SREK1: variants seen among roughly 807,000 people sequenced by gnomAD.
SREK1 encodes splicing regulatory glutamine/lysine-rich protein 1.
In SREK1, 13 loss-of-function variants were observed where a neutral mutation model predicts 66.5. That is an observed-to-expected ratio of 0.20 (90% CI 0.13 to 0.31). The LOEUF is 0.31. Ranked by LOEUF, SREK1 falls within the 10% of genes least tolerant of loss-of-function variation. SREK1 has a pLI of 1.00. For missense variants in SREK1, 607 were observed against 769.6 expected (o/e 0.79, Z 2.50); for synonymous variants, 265 against 263.5 (o/e 1.01, Z -0.05).
chr5:66,151,834 CTTTTTTTTTTTTTT>C lies in SREK1; in HGVS notation c.162-1613_162-1600del, dbSNP rs60920757. Among the ~76,000 whole-genome samples the C allele has an allele frequency of 9.1e-3, 769 of 84,788 alleles. 6 individuals are homozygous for C. The highest frequency in any genetic ancestry group is 0.012 in the Non-Finnish European group (476 of 41,068). The allele number at this position is 84,788 out of a possible 152,430, so 55.6% of individuals were successfully genotyped here. A position where few individuals can be genotyped will look rare whatever the true frequency, so the allele number is the denominator to read the frequency against. On this transcript the variant is annotated intron_variant, in intron 1 of 11. Transcript: ENST00000334121. Reference sequence around the variant, plus strand: ...TGAGTTGGATGCTAAGAGGTACATCCTTTTTTTTTTTTTTTTTTTTTTTTTTTTTGAGAAGGAGT... The same window carrying C: ...TGAGTTGGATGCTAAGAGGTACATCCTTTTTTTTTTTTTTTGAGAAGGAGT...
At chr5:66,169,587 TTTAAC>T (rs1720854006) in intron 7 of SREK1, 1 of 152,246 alleles carries the variant, frequency 6.6e-6, no homozygotes, top group African/African-American at 2.4e-5. Context: ...TATATCTAGT[TTTAAC>T]TTATGAGTAA....
chr5:66,156,366 C>A (rs766450533), intron 2 of SREK1: 1 of 1,219,434 alleles, frequency 8.2e-7, no homozygotes, highest in Admixed American at 4.0e-5. Flanking sequence ...GGGTTCATAA[C>A]GTGTTGCAAA....
chr5:66,173,159 T>C (rs900422565), intron 9 of SREK1, among the ~76,000 whole-genome samples: 2 of 152,172 alleles, frequency 1.3e-5, no homozygotes, highest in African/African-American at 2.4e-5. Flanking sequence ...TCTTGTCTTT[T>C]AGCATTTTTC....
Position 66,170,632 on chromosome 5 carries a change from TGAAAGA to T in SREK1, c.1176_1181del (p.Glu392_Lys393del). 1.2e-6 allele frequency: 2 copies of T among 1,603,996 alleles called. No individual in the cohort carries two copies. The highest frequency in any genetic ancestry group is 1.7e-6 in the Non-Finnish European group (2 of 1,176,236). ...GAAAAGATCAAGGAAAAGGAAAGAGTGAAAGAGAAAGACAGGGAAAAGGAGAGAGAG... is the reference window on the plus strand; with the variant it reads ...GAAAAGATCAAGGAAAAGGAAAGAGTGAAAGACAGGGAAAAGGAGAGAGAG... On this transcript the variant is annotated inframe_deletion, in exon 9 of 12. Coordinates refer to ENST00000334121, the MANE Select transcript of SREK1 (RefSeq NM_001077199.3).
intron 1 of SREK1, among the ~76,000 whole-genome samples, chr5:66,145,431 T>C (rs1014832628): frequency 2.6e-5 from 4 of 152,166 alleles, no homozygotes; most frequent in African/African-American, 7.2e-5. Context: ...TATATCAAAA[T>C]CCTTTGAGGG....
intron 6 of SREK1, 59 bp from the exon 7 acceptor site, chr5:66,164,724 A>G: frequency 6.2e-7 from 1 of 1,612,824 alleles, no homozygotes; most frequent in Non-Finnish European, 8.5e-7. Context: ...GTGCCTGATT[A>G]TTAACTGGGA....
chr5:66,181,072 T>A lies in SREK1; in HGVS notation c.*2204T>A, dbSNP rs1746447108. 6.6e-6 allele frequency: 1 copy of A among 152,200 alleles called. No homozygotes were observed. The highest frequency in any genetic ancestry group is 1.5e-5 in the Non-Finnish European group (1 of 68,032). 9.4% of individuals were successfully genotyped at this position (152,200 alleles called of 1,614,324 possible). A position where few individuals can be genotyped will look rare whatever the true frequency, so the allele number is the denominator to read the frequency against. On this transcript the variant is annotated 3_prime_UTR_variant, in exon 12 of 12. Coordinates refer to ENST00000334121, the MANE Select transcript of SREK1 (RefSeq NM_001077199.3). ...GTTTCTTTATGTTGGTAATTAACATTTAATTTGGTTCTTGCTGCTAATTAT... is the reference window on the plus strand; with the variant it reads ...GTTTCTTTATGTTGGTAATTAACATATAATTTGGTTCTTGCTGCTAATTAT...
chr5:66,163,756 G>A (rs761319606), intron 5 of SREK1, 36 bp from the exon 6 acceptor site: 3 of 1,582,136 alleles, frequency 1.9e-6, no homozygotes, highest in South Asian at 1.1e-5. Flanking sequence ...ATAAAATGTG[G>A]TGTGTATTTG....
intron 1 of SREK1, among the ~76,000 whole-genome samples, chr5:66,149,820 G>A (rs963208073): frequency 2.6e-5 from 4 of 152,136 alleles, no homozygotes; most frequent in Non-Finnish European, 2.9e-5. Flanking sequence ...AAGGTACATC[G>A]AGAAGAGACA....
chr5:66,164,311 GA>G (rs1413161912), intron 6 of SREK1: 2 of 264,882 alleles, frequency 7.6e-6, no homozygotes, highest in Non-Finnish European at 1.5e-5. Flanking sequence ...CCGTGATTTA[GA>G]AAAAAATACA....
intron 1 of SREK1, among the ~76,000 whole-genome samples, chr5:66,145,600 T>C (rs1176280214): frequency 6.6e-6 from 1 of 152,068 alleles, no homozygotes; most frequent in East Asian, 1.9e-4. Flanking sequence ...AAATTTACTT[T>C]TTAAGTTTTT....
chr5:66,172,500 A>G (rs1190866102), intron 9 of SREK1, among the ~76,000 whole-genome samples: 1 of 152,074 alleles, frequency 6.6e-6, no homozygotes. Flanking sequence ...GGTTCACGTG[A>G]TTCTTGTACC....
chr5:66,156,828 T>G (rs1473109680), intron 2 of SREK1: 12 of 985,364 alleles, frequency 1.2e-5, no homozygotes, highest in Non-Finnish European at 1.4e-5. Context: ...GCATGTAGGT[T>G]TTTGTTAGCT....
chr5:66,152,742 A>G (rs535818047), intron 1 of SREK1, among the ~76,000 whole-genome samples: 41 of 152,334 alleles, frequency 2.7e-4, no homozygotes, highest in African/African-American at 8.7e-4. Context: ...AATTATGGAT[A>G]GGCTGACAAA....
intron 11 of SREK1, 79 bp from the exon 12 acceptor site, chr5:66,178,638 GAT>G: frequency 7.3e-7 from 1 of 1,370,302 alleles, no homozygotes; most frequent in Non-Finnish European, 9.7e-7. Flanking sequence ...ATTTGCAAAA[GAT>G]AAAGTTTCAC....
intron 7 of SREK1, 78 bp downstream of exon 7, chr5:66,164,975 A>C: frequency 7.2e-7 from 1 of 1,379,540 alleles, no homozygotes; most frequent in African/African-American, 1.5e-5. Flanking sequence ...AGTTTTCGTC[A>C]AAATATCAGA....
chr5:66,164,554 C>T, intron 6 of SREK1: 1 of 1,471,124 alleles, frequency 6.8e-7, no homozygotes. Flanking sequence ...ACGGCAGCAA[C>T]AAAATATTAC....
At chr5:66,154,447 A>T (rs1315545982) in intron 2 of SREK1, among the ~76,000 whole-genome samples, 1 of 152,182 alleles carries the variant, frequency 6.6e-6, no homozygotes, top group African/African-American at 2.4e-5. Flanking sequence ...AAAATGTCTT[A>T]AAGTAGATTT....
rs1363183629 is a variant in SREK1 at position 66,144,523 on chromosome 5, G to A, written c.147G>A (p.Arg49=). The change falls in exon 1 of 12, where the codon CGG becomes CGA. Residue 49 remains arginine, a synonymous_variant. Coordinates refer to ENST00000334121, the MANE Select transcript of SREK1 (RefSeq NM_001077199.3). The stretch of plus-strand genomic sequence containing the variant: ...TCCTAGGAGAAATCGAGGAGCTGCG[G>A]CTCTACCCCCCGGAGTAAGTGCTGG... ...FSFLGEIEEL[R]LYPPDNAPLA... 10 of 1,552,932 alleles carry A rather than the reference G, an allele frequency of 6.4e-6. No individual in the cohort carries two copies. Among genetic ancestry groups the A allele is most frequent in the Non-Finnish European group, 8.7e-6 (10 of 1,147,724 alleles).
Sources: gnomAD v4.1 joint callset for allele counts (sites outside exome capture counted in the v4.1 genomes callset) on GRCh38, gnomAD v4.1.1 for gene constraint, MANE v1.5 for transcripts, NCBI Gene and HGNC (gene_info 2026-07-23, HGNC 2026-07-21) for gene names.